The following PIK3C2B variants were observed in gnomAD, a reference collection of about 807,000 sequenced individuals.
PIK3C2B encodes the protein phosphatidylinositol 4-phosphate 3-kinase C2 domain-containing subunit beta.
In PIK3C2B, 83 loss-of-function variants were observed where a neutral mutation model predicts 184.3. The ratio of observed to expected loss-of-function variants is 0.45; its 90% CI spans 0.38 to 0.54. PIK3C2B has a LOEUF of 0.54. Among genes scored for constraint, PIK3C2B ranks in the 20% least tolerant of loss-of-function variants. The pLI, the probability that PIK3C2B is intolerant of heterozygous loss-of-function variation, is 0.00. For missense variants in PIK3C2B, 1,736 were observed against 2,113.5 expected (o/e 0.82, Z 3.50); for synonymous variants, 779 against 837.6 (o/e 0.93, Z 1.21).
rs565435514 is a variant in PIK3C2B, at chr1:204,454,710, G to C, written c.2025C>G (p.His675Gln). 3.1e-6 allele frequency: 5 copies of C among 1,613,518 alleles called. No individual in the cohort carries two copies. In the African/African-American group the frequency reaches 6.7e-5, roughly 22 times the overall value. ...TGAGGTGGAAGAGGTACTTGGAGAA[G>C]TGAGCTCTTCGGGTCTGCAGGGGGC... ...LCSPLQTRRA[H>Q]FSKYLFHLIV... The change falls in exon 12 of 33, where the codon CAC becomes CAG. Residue 675 changes from histidine to glutamine, a missense_variant. His to Gln is a conservative substitution (Grantham distance 24, BLOSUM62 0). This residue lies in a region of PIK3C2B where 609 missense variants were observed against 699.2 expected (regional missense o/e 0.87). Coordinates refer to ENST00000684373, the MANE Select transcript of PIK3C2B (RefSeq NM_001377334.1).
At chr1:204,438,648 T>C (rs780573843) in intron 23 of PIK3C2B, among the ~76,000 whole-genome samples, 4 of 152,180 alleles carry the variant, frequency 2.6e-5, no homozygotes, top group Admixed American at 6.6e-5. Flanking sequence ...GGGATACAGA[T>C]AGGCTCTCAA....
rs1195247442 is a variant in PIK3C2B at position 204,460,395 on chromosome 1, A to G, written c.1431T>C (p.Asp477=). Residue 477 remains aspartate, a synonymous_variant, in exon 7 of 33, where the codon GAT becomes GAC. Transcript: ENST00000684373. The part of the protein sequence containing the change: ...VRSDLARTVN[D]DQSPSTLNYL... ...AGTTCAAGGTGGAGGGGCTCTGGTC[A>G]TCATTCACCTGTATAAGAAGTGACC... 3.1e-6 allele frequency: 5 copies of G among 1,613,466 alleles called. No homozygotes were observed. The South Asian group carries it at 4.4e-5, about 14-fold the overall frequency.
rs933916562 is a variant in PIK3C2B at position 204,445,938 on chromosome 1, G to A, written c.2678+18C>T. The A allele has an allele frequency of 6.8e-6, 10 of 1,473,646 alleles. No individual in the cohort carries two copies. The highest frequency in any genetic ancestry group is 1.4e-5 in the African/African-American group (1 of 71,372). 91.3% of individuals were successfully genotyped at this position (1,473,646 alleles called of 1,614,324 possible). A position where few individuals can be genotyped will look rare whatever the true frequency, so the allele number is the denominator to read the frequency against. ...CTACAAGAACACATAGTCAGAAAAG[G>A]CAGATGTTACAACTCACGTGGCATG... On this transcript the variant is annotated intron_variant, in intron 16 of 32. Coordinates refer to ENST00000684373, the MANE Select transcript of PIK3C2B (RefSeq NM_001377334.1).
At position 204,469,089 on chromosome 1, in the gene PIK3C2B, G is replaced by A; in HGVS notation, c.714C>T (p.Leu238=). The change falls in exon 2 of 33, where the codon CTC becomes CTT. Residue 238 remains leucine (L), a synonymous_variant. Transcript: ENST00000684373. ...CCGCATCATAGGTCGATTTCAAGTTGAGCCTAGTAATTGCATCATTGATAC... is the reference window on the plus strand; with the variant it reads ...CCGCATCATAGGTCGATTTCAAGTTAAGCCTAGTAATTGCATCATTGATAC... ...YDGINDAITR[L]NLKSTYDAEM... is the part of the protein sequence containing the mutation. 2 of 1,614,178 alleles carry A rather than the reference G, an allele frequency of 1.2e-6. No individual in the cohort carries two copies. Among genetic ancestry groups the A allele is most frequent in the Non-Finnish European group, 1.7e-6 (2 of 1,180,028 alleles).
In PIK3C2B at chr1:204,434,420, G is replaced by A. The variant is rs955079535; in HGVS notation, c.3686+19C>T. On this transcript the variant is annotated intron_variant, in intron 24 of 32. Transcript: ENST00000684373. ...CTCCTTGCCCTTCACTCACAATCTGGCTTCAGGAGATCACTTACCGCTTGA... is the reference window on the plus strand; with the variant it reads ...CTCCTTGCCCTTCACTCACAATCTGACTTCAGGAGATCACTTACCGCTTGA... 8 of 1,612,548 alleles carry A rather than the reference G, an allele frequency of 5.0e-6. No individual in the cohort carries two copies. Among genetic ancestry groups the A allele is most frequent in the Non-Finnish European group, 5.9e-6 (7 of 1,178,874 alleles).
chr1:204,434,373 G>T (rs1488909588), intron 24 of PIK3C2B, 66 bp downstream of exon 24: 11 of 1,443,756 alleles, frequency 7.6e-6, no homozygotes, highest in Admixed American at 1.8e-5. Context: ...TTGTGTCCCA[G>T]CTCTGAACCA....
At chr1:204,463,913 G>A (rs1021592184) in intron 5 of PIK3C2B, 99 bp downstream of exon 5, 2 of 1,245,198 alleles carry the variant, frequency 1.6e-6, no homozygotes, top group East Asian at 2.3e-5. Flanking sequence ...TGTGGGATTG[G>A]GGCGGAGCTG....
intron 11 of PIK3C2B, among the ~76,000 whole-genome samples, chr1:204,455,288 G>A (rs1193938791): frequency 6.9e-6 from 1 of 144,292 alleles, no homozygotes; most frequent in African/African-American, 2.5e-5. Flanking sequence ...TCGCCCAGAG[G>A]AATACATTAA....
chr1:204,485,622 G>A (rs2103536776), intron 1 of PIK3C2B, among the ~76,000 whole-genome samples: 1 of 146,980 alleles, frequency 6.8e-6, no homozygotes, highest in East Asian at 2.0e-4. Context: ...CGCCCAGACT[G>A]CAGTGCAGTG....
chr1:204,468,986 GT>G lies in PIK3C2B; in HGVS notation c.816del (p.Lys272AsnfsTer107), dbSNP rs1656059762. 1.2e-6 allele frequency: 2 copies of G among 1,614,086 alleles called. No individual in the cohort carries two copies. Among genetic ancestry groups the G allele is most frequent in the Non-Finnish European group, 1.7e-6 (2 of 1,180,042 alleles). ...PLDFSKDTSGKPVARSKTMPP... is the reference protein window; with the variant it reads ...PLDFSKDTSGXPVARSKTMPP... ...GGCATAGTCTTGCTCCTGGCCACGGGTTTTCCAGAGGTGTCTTTGCTGAAGT... is the reference window on the plus strand; with the variant it reads ...GGCATAGTCTTGCTCCTGGCCACGGGTTTCCAGAGGTGTCTTTGCTGAAGT... On this transcript the variant is annotated frameshift_variant, in exon 2 of 33. Coordinates refer to ENST00000684373, the MANE Select transcript of PIK3C2B (RefSeq NM_001377334.1). LOFTEE classifies it high-confidence loss of function.
intron 1 of PIK3C2B, among the ~76,000 whole-genome samples, chr1:204,491,420 T>C (rs1657998181): frequency 2.0e-5 from 3 of 150,966 alleles, no homozygotes; most frequent in South Asian, 4.2e-4. Context: ...AGGCTGGACA[T>C]AGTGGCTCAT....
intron 24 of PIK3C2B, 78 bp from the exon 25 acceptor site, chr1:204,434,027 T>G (rs1246208955): frequency 8.4e-7 from 1 of 1,189,054 alleles, no homozygotes; most frequent in Non-Finnish European, 1.2e-6. Context: ...CAGGGGTCAG[T>G]TTCCCTCATC....
chr1:204,481,743 G>A (rs549223825), intron 1 of PIK3C2B, among the ~76,000 whole-genome samples: 14 of 152,314 alleles, frequency 9.2e-5, no homozygotes, highest in African/African-American at 3.4e-4. Context: ...TCAGGCAGAA[G>A]AGCTTCACAA....
chr1:204,479,480 T>C (rs1656962425), intron 1 of PIK3C2B, among the ~76,000 whole-genome samples: 1 of 152,022 alleles, frequency 6.6e-6, no homozygotes, highest in Admixed American at 6.5e-5. Context: ...CAGCCCATCC[T>C]GTATCAGAAA....
intron 23 of PIK3C2B, chr1:204,435,496 T>G (rs911533261): frequency 2.1e-4 from 32 of 152,226 alleles, no homozygotes; most frequent in African/African-American, 7.5e-4. Flanking sequence ...GAGGGAAAGC[T>G]TACTAGATAT....
At chr1:204,489,427 C>G (rs1657857441) in intron 1 of PIK3C2B, among the ~76,000 whole-genome samples, 1 of 151,826 alleles carries the variant, frequency 6.6e-6, no homozygotes, top group Admixed American at 6.6e-5. Context: ...CCATGTCAGT[C>G]TCCCAAGTGC....
At chr1:204,491,913 A>G (rs1317181511) in intron 1 of PIK3C2B, among the ~76,000 whole-genome samples, 1 of 152,154 alleles carries the variant, frequency 6.6e-6, no homozygotes, top group Non-Finnish European at 1.5e-5. Context: ...ATCCCTCCTC[A>G]ATTCCTACAA....
At chr1:204,425,784 A>G (rs1674711356) in intron 31 of PIK3C2B, 43 bp from the exon 32 acceptor site, 2 of 1,589,106 alleles carry the variant, frequency 1.3e-6, no homozygotes, top group Non-Finnish European at 1.7e-6. Context: ...GATTTTTAAC[A>G]TCTGTCTCTT....
chr1:204,441,145 C>T (rs963728652), intron 21 of PIK3C2B, among the ~76,000 whole-genome samples: 1 of 152,204 alleles, frequency 6.6e-6, no homozygotes, highest in Admixed American at 6.5e-5. Flanking sequence ...AGCAGCCCTG[C>T]CACATGGCAT....
Sources: allele counts gnomAD v4.1 joint callset (sites outside exome capture counted in the v4.1 genomes callset), GRCh38; gene constraint gnomAD v4.1.1; regional missense constraint gnomAD v4.1.1; transcripts MANE v1.5; gene names NCBI Gene and HGNC (gene_info 2026-07-23, HGNC 2026-07-21).